The following HPCAL1 variants were observed in gnomAD, a reference collection of about 807,000 sequenced individuals.
HPCAL1 encodes the protein hippocalcin like 1.
In HPCAL1, 8 loss-of-function variants were observed where a neutral mutation model predicts 17.1. That is an observed-to-expected ratio of 0.47 (90% CI 0.27 to 0.84). The LOEUF (loss-of-function observed/expected upper bound fraction) is 0.84. Ranked by LOEUF, HPCAL1 falls within the 40% of genes least tolerant of loss-of-function variation. HPCAL1 has a pLI of 0.13. For missense variants in HPCAL1, 165 were observed against 271.1 expected (o/e 0.61, Z 2.75); for synonymous variants, 112 against 111.4 (o/e 1.01, Z -0.03).
At chr2:10,410,436 CTTTTTTT>C (rs36002921) in intron 2 of HPCAL1, among the ~76,000 whole-genome samples, 6 of 77,498 alleles carry the variant, frequency 7.7e-5, no homozygotes, top group African/African-American at 2.5e-4. Context: ...TCTTCTTCTT[CTTTTTTT>C]TTTTTTTTTT....
intron 1 of HPCAL1, among the ~76,000 whole-genome samples, chr2:10,311,833 TCAC>T (rs1662980752): frequency 6.6e-6 from 1 of 152,080 alleles, no homozygotes; most frequent in African/African-American, 2.4e-5. Context: ...CTTTTCTCCA[TCAC>T]CATCATCATC....
At chr2:10,311,924 C>T (rs1407508739) in intron 1 of HPCAL1, among the ~76,000 whole-genome samples, 1 of 150,656 alleles carries the variant, frequency 6.6e-6, no homozygotes, top group Admixed American at 6.6e-5. Context: ...TCATTCCATT[C>T]ATCACCATTC....
intron 1 of HPCAL1, among the ~76,000 whole-genome samples, chr2:10,360,682 G>A (rs1322998538): frequency 6.6e-6 from 1 of 152,138 alleles, no homozygotes; most frequent in Non-Finnish European, 1.5e-5. Context: ...CAAAGTGCTG[G>A]CTTGAGCCAC....
In HPCAL1 at chr2:10,419,091, A is replaced by G. The variant is rs1431196034; in HGVS notation, c.-24-643A>G. ...CTGGGCGCGGTGGTGCATGCCTGTA[A>G]TCCCAGCTACTCAGGAGGCTGAGGC... On this transcript the variant is annotated intron_variant, in intron 2 of 4. Transcript: ENST00000307845. The surrounding 1 kb of genome is among the most constrained non-coding windows in gnomAD (Gnocchi z 5.0). 1.3e-5 allele frequency among the ~76,000 whole-genome samples: 2 copies of G among 152,066 alleles called. No homozygotes were observed. Among genetic ancestry groups the G allele is most frequent in the Non-Finnish European group, 2.9e-5 (2 of 68,012 alleles).
intron 4 of HPCAL1, chr2:10,425,483 G>C (rs1229322635): frequency 6.6e-6 from 1 of 152,428 alleles, no homozygotes; most frequent in Non-Finnish European, 1.5e-5. Flanking sequence ...AGGTGTCCCT[G>C]CCTGCCAGTG....
intron 1 of HPCAL1, among the ~76,000 whole-genome samples, chr2:10,357,450 G>A (rs1376958733): frequency 1.3e-5 from 2 of 152,194 alleles, no homozygotes; most frequent in East Asian, 1.9e-4. Context: ...GCAGGGGCCC[G>A]GGAACCACCC....
intron 1 of HPCAL1, among the ~76,000 whole-genome samples, chr2:10,313,691 A>T (rs893056473): frequency 1.3e-5 from 2 of 152,188 alleles, no homozygotes; most frequent in African/African-American, 4.8e-5. Flanking sequence ...CTCTCGTTTG[A>T]CAAATGGGGC....
rs376105237 is a variant in HPCAL1, at chr2:10,367,181, G to A, written c.-110-29654G>A. On this transcript the variant is annotated intron_variant, in intron 1 of 4. Transcript: ENST00000307845. This position sits in a 1 kb window ranked among gnomAD's most constrained non-coding sequence, Gnocchi z 4.4. Reference sequence around the variant, plus strand: ...TTATTGTCATCTGCTTGGGACTTGAGGGTAACTTCATCTCTCAAAATAGGC... The same window carrying A: ...TTATTGTCATCTGCTTGGGACTTGAAGGTAACTTCATCTCTCAAAATAGGC... Among the ~76,000 whole-genome samples the A allele has an allele frequency of 1.4e-4, 22 of 151,940 alleles. No homozygotes were observed. Among genetic ancestry groups the A allele is most frequent in the African/African-American group, 4.8e-4 (20 of 41,440 alleles).
chr2:10,307,653 C>T (rs1482234936), intron 1 of HPCAL1, among the ~76,000 whole-genome samples: 4 of 152,196 alleles, frequency 2.6e-5, no homozygotes, highest in African/African-American at 9.7e-5. Context: ...AGTTTTGGAG[C>T]TCTTTCTCTG....
Position 10,363,149 on chromosome 2 carries a change from C to T in HPCAL1, c.-110-33686C>T, listed in dbSNP as rs1666623747. The stretch of plus-strand genomic sequence containing the variant: ...AAGTAAATAAAAAATAAAACCCATT[C>T]TCACTCTAACCCATGCTGTATCTGA... On this transcript the variant is annotated intron_variant, in intron 1 of 4. Transcript: ENST00000307845. The surrounding 1 kb of genome is among the most constrained non-coding windows in gnomAD (Gnocchi z 4.7). Among the ~76,000 whole-genome samples the T allele has an allele frequency of 6.6e-6, 1 of 152,146 alleles. No individual in the cohort carries two copies. Among genetic ancestry groups the T allele is most frequent in the Non-Finnish European group, 1.5e-5 (1 of 68,028 alleles).
chr2:10,319,738 T>TTCATTCAC lies in HPCAL1; in HGVS notation c.-111+16577_-111+16584dup, dbSNP rs990489161. Among the ~76,000 whole-genome samples, 4 of 152,040 alleles carry TTCATTCAC rather than the reference T, an allele frequency of 2.6e-5. No individual in the cohort carries two copies. The East Asian group carries it at 7.8e-4, about 30-fold the overall frequency. The stretch of plus-strand genomic sequence containing the variant: ...GGCCCCTTGGTGGAGCTCCCATTCA[T>TTCATTCAC]TCATTCACTCATTCACTCATTCATT... On this transcript the variant is annotated intron_variant, in intron 1 of 4. Coordinates refer to ENST00000307845, the MANE Select transcript of HPCAL1 (RefSeq NM_002149.4).
At position 10,342,690 on chromosome 2, in the gene HPCAL1, T is replaced by A. The variant is rs906064069; in HGVS notation, c.-111+39513T>A. Reference sequence around the variant, plus strand: ...TGCTCTGAGCTCCCTCTCATGACTCTCATTCTTTCTCGTTGAGTTTTGTTT... The same window carrying A: ...TGCTCTGAGCTCCCTCTCATGACTCACATTCTTTCTCGTTGAGTTTTGTTT... On this transcript the variant is annotated intron_variant, in intron 1 of 4. Coordinates refer to ENST00000307845, the MANE Select transcript of HPCAL1 (RefSeq NM_002149.4). The surrounding 1 kb of genome is among the most constrained non-coding windows in gnomAD (Gnocchi z 4.1). Among the ~76,000 whole-genome samples, 2 of 152,184 alleles carry A rather than the reference T, an allele frequency of 1.3e-5. No individual in the cohort carries two copies. Among genetic ancestry groups the A allele is most frequent in the Admixed American group, 6.5e-5 (1 of 15,284 alleles).
chr2:10,371,643 C>T (rs1667214018), intron 1 of HPCAL1, among the ~76,000 whole-genome samples: 1 of 152,180 alleles, frequency 6.6e-6, no homozygotes, highest in African/African-American at 2.4e-5. Flanking sequence ...GGGCAGCCTT[C>T]CCCTTGCCTT....
chr2:10,325,699 G>T (rs959150884), intron 1 of HPCAL1, among the ~76,000 whole-genome samples: 2 of 152,232 alleles, frequency 1.3e-5, no homozygotes, highest in Non-Finnish European at 2.9e-5. Flanking sequence ...TGCAGTCATG[G>T]CTTTAAGACG....
At chr2:10,320,332 G>A (rs553546727) in intron 1 of HPCAL1, among the ~76,000 whole-genome samples, 1 of 152,154 alleles carries the variant, frequency 6.6e-6, no homozygotes, top group Non-Finnish European at 1.5e-5. Flanking sequence ...GCCTGGTGGG[G>A]GGTGATTGGA....
At chr2:10,332,740 G>A (rs984107297) in intron 1 of HPCAL1, among the ~76,000 whole-genome samples, 7 of 152,074 alleles carry the variant, frequency 4.6e-5, no homozygotes, top group African/African-American at 9.7e-5. Context: ...AAGTAGCTGC[G>A]AGAAGACATC....
At position 10,345,332 on chromosome 2, in the gene HPCAL1, G is replaced by A. The variant is rs569760084; in HGVS notation, c.-111+42155G>A. Among the ~76,000 whole-genome samples, 46 of 152,278 alleles carry A rather than the reference G, an allele frequency of 3.0e-4. No individual in the cohort carries two copies. The South Asian group carries it at 5.6e-3, about 19-fold the overall frequency. Reference sequence around the variant, plus strand: ...ACTTGCTAGCTGGGTGACCTTGGGCGGCTTTCAAGTTCCCTTATCCTGGGT... The same window carrying A: ...ACTTGCTAGCTGGGTGACCTTGGGCAGCTTTCAAGTTCCCTTATCCTGGGT... On this transcript the variant is annotated intron_variant, in intron 1 of 4. Coordinates refer to ENST00000307845, the MANE Select transcript of HPCAL1 (RefSeq NM_002149.4).
Position 10,365,329 on chromosome 2 carries a change from A to G in HPCAL1, c.-110-31506A>G, listed in dbSNP as rs1234788505. Among the ~76,000 whole-genome samples the G allele has an allele frequency of 6.6e-6, 1 of 152,162 alleles. No individual in the cohort carries two copies. The highest frequency in any genetic ancestry group is 2.4e-5 in the African/African-American group (1 of 41,436). The stretch of plus-strand genomic sequence containing the variant: ...CCTGCCTCCAGGTGGTGGCGCGGTA[A>G]TTGCAAGAGCGTGAGCCCCTCCTCT... On this transcript the variant is annotated intron_variant, in intron 1 of 4. Coordinates refer to ENST00000307845, the MANE Select transcript of HPCAL1 (RefSeq NM_002149.4). The surrounding 1 kb of genome is among the most constrained non-coding windows in gnomAD (Gnocchi z 4.8).
At chr2:10,372,744 A>G (rs1667305033) in intron 1 of HPCAL1, among the ~76,000 whole-genome samples, 1 of 152,202 alleles carries the variant, frequency 6.6e-6, no homozygotes, top group Non-Finnish European at 1.5e-5. Context: ...TCAGAAGGGC[A>G]TCACCTGTGG....
Sources: allele counts gnomAD v4.1 joint callset (sites outside exome capture counted in the v4.1 genomes callset), GRCh38; gene constraint gnomAD v4.1.1; non-coding constraint Gnocchi (gnomAD v3.1); transcripts MANE v1.5; gene names NCBI Gene and HGNC (gene_info 2026-07-23, HGNC 2026-07-21).